Variants in KATNB1 observed in about 807,000 individuals in gnomAD.
KATNB1 encodes the protein katanin regulatory subunit B1, also known as katanin p80 WD40 repeat-containing subunit B1.
Under a neutral mutation model 82.3 loss-of-function variants are expected in KATNB1, and 38 were observed. That is an observed-to-expected ratio of 0.46 (90% CI 0.36 to 0.61). The LOEUF is 0.61. Ranked by LOEUF, KATNB1 falls within the 20% of genes least tolerant of loss-of-function variation. KATNB1 has a pLI of 0.00. For synonymous variants in KATNB1, 361 were observed against 368.7 expected, an observed-to-expected ratio of 0.98 and a Z score of 0.24; for missense variants, 749 against 915.7, an observed-to-expected ratio of 0.82 and a Z score of 2.35.
At chr16:57,747,067 A>T (rs1444037591) in intron 4 of KATNB1, among the ~76,000 whole-genome samples, 5 of 152,116 alleles carry the variant, frequency 3.3e-5, no homozygotes, top group Admixed American at 6.5e-5. Context: ...TTTTTAGTAG[A>T]GACGGGGTTT....
intron 18 of KATNB1, 142 bp downstream of exon 18, chr16:57,756,208 G>C: frequency 8.6e-7 from 1 of 1,156,242 alleles, no homozygotes; most frequent in Non-Finnish European, 1.3e-6. Context: ...TCAACAGTCC[G>C]GAGGTGGGAG....
Position 57,753,233 on chromosome 16 carries a change from G to A in KATNB1, c.1012G>A (p.Glu338Lys). 2 of 1,605,758 alleles carry A rather than the reference G, an allele frequency of 1.2e-6. No homozygotes were observed. Among genetic ancestry groups the A allele is most frequent in the Middle Eastern group, 1.7e-4 (1 of 6,050 alleles). Reference protein sequence around the residue: ...NPSAPLRRIYERPSTTCSKPQ... With the variant: ...NPSAPLRRIYKRPSTTCSKPQ... Reference sequence around the variant, plus strand: ...CAGCGCCCCCCTCCGGCGCATCTATGAGCGGCCCAGCACAACCTGCAGCAA... The same window carrying A: ...CAGCGCCCCCCTCCGGCGCATCTATAAGCGGCCCAGCACAACCTGCAGCAA... The change falls in exon 11 of 20, where the codon GAG becomes AAG. Residue 338 changes from glutamate (E) to lysine (K), a missense_variant. Physicochemically the swap from Glu to Lys is moderately conservative, Grantham distance 56. Coordinates refer to ENST00000379661, the MANE Select transcript of KATNB1 (RefSeq NM_005886.3).
chr16:57,750,016 C>G (rs1345658644), intron 4 of KATNB1, among the ~76,000 whole-genome samples: 1 of 152,222 alleles, frequency 6.6e-6, no homozygotes, highest in East Asian at 1.9e-4. Context: ...CCTCCATCTA[C>G]CTAACAGCAT....
intron 2 of KATNB1, among the ~76,000 whole-genome samples, chr16:57,738,417 G>A (rs995457079): frequency 1.3e-5 from 2 of 152,050 alleles, no homozygotes; most frequent in Non-Finnish European, 2.9e-5. Flanking sequence ...CACCACACCC[G>A]GCTAATTTTT....
intron 4 of KATNB1, among the ~76,000 whole-genome samples, chr16:57,747,422 T>C (rs1052246608): frequency 2.0e-5 from 3 of 152,210 alleles, no homozygotes; most frequent in African/African-American, 7.2e-5. Flanking sequence ...CAAGGTTCCC[T>C]TTGCTCAGGA....
rs1555583195 is a variant in KATNB1, at chr16:57,751,704, G to A, written c.496G>A (p.Ala166Thr). 3.7e-6 allele frequency: 6 copies of A among 1,610,374 alleles called. No individual in the cohort carries two copies. The highest frequency in any genetic ancestry group is 5.1e-6 in the Non-Finnish European group (6 of 1,179,982). The change falls in exon 7 of 20, where the codon GCA becomes ACA. Residue 166 changes from alanine to threonine, a missense_variant. Around this residue, in one of 3 missense-constraint regions of KATNB1, gnomAD observed 247 missense variants for 349.4 expected, o/e 0.71. Transcript: ENST00000379661. This position sits in a 1 kb window ranked among gnomAD's most constrained non-coding sequence, Gnocchi z 6.3. ...SPDGKWLASA[A>T]DDHTVKLWDL... ...CGATGGGAAGTGGTTGGCGTCGGCC[G>A]CAGATGACCACACCGTGAAGGTAGC...
Position 57,755,878 on chromosome 16 carries a change from C to CGGT in KATNB1, c.1613_1615dup (p.Val538dup). On this transcript the variant is annotated inframe_insertion, in exon 17 of 20. Coordinates refer to ENST00000379661, the MANE Select transcript of KATNB1 (RefSeq NM_005886.3). ...TCCGCTGTGGCCATCAACGACCTGT[C>CGGT]GGTGGTGGTGGACCTCCTGAACATC... 1 of 1,596,836 alleles carries CGGT rather than the reference C, an allele frequency of 6.3e-7. No individual in the cohort carries two copies. The highest frequency in any genetic ancestry group is 8.6e-7 in the Non-Finnish European group (1 of 1,166,744).
At chr16:57,736,165 C>A (rs2049097867) in intron 1 of KATNB1, 1 of 152,440 alleles carries the variant, frequency 6.6e-6, no homozygotes, top group South Asian at 2.1e-4. Context: ...ATGGGAGACC[C>A]CGCGAGCATA....
intron 2 of KATNB1, 74 bp downstream of exon 2, chr16:57,737,357 C>T (rs760414407): frequency 9.8e-5 from 152 of 1,548,170 alleles, no homozygotes; most frequent in Admixed American, 4.1e-4. Flanking sequence ...CCTGAACCCA[C>T]AGCTTTGTTT....
chr16:57,755,368 C>T lies in KATNB1; in HGVS notation c.1440C>T (p.Ala480=), dbSNP rs143258521. The change falls in exon 16 of 20, where the codon GCC becomes GCT. Residue 480 remains alanine, a synonymous_variant. Transcript: ENST00000379661. ...AGGCCGTGAAGATCCCCCAGCAGGC[C>T]GAGCTGGTGGACGAGGATGCCATGT... The part of the protein sequence containing the change: ...FLPAVKIPQQ[A]ELVDEDAMSQ... 9.9e-6 allele frequency: 16 copies of T among 1,613,154 alleles called. No homozygotes were observed. The highest frequency in any genetic ancestry group is 5.5e-5 in the South Asian group (5 of 91,084).
rs2049249053 is a variant in KATNB1, at chr16:57,753,521, T to C, written c.1177+2T>C. ...TCTTCCAGCCCAAGAACAGCATCAG[T>C]GAGGCCGGGCTCCCGCCCCCAGCCC... On this transcript the variant is annotated splice_donor_variant, in intron 12 of 19. Transcript: ENST00000379661. LOFTEE classifies it high-confidence loss of function. The C allele has an allele frequency of 1.2e-6, 2 of 1,612,682 alleles. No homozygotes were observed. The highest frequency in any genetic ancestry group is 1.7e-6 in the Non-Finnish European group (2 of 1,179,780).
rs2049142228 is a variant in KATNB1, at chr16:57,741,581, C to T, written c.41-106C>T. On this transcript the variant is annotated intron_variant, in intron 2 of 19. Transcript: ENST00000379661. Reference sequence around the variant, plus strand: ...GGGGAGCTGAAGGAGGCAGATCCTTCCACTGGGCTTCAGGTTCCAAAGCGG... The same window carrying T: ...GGGGAGCTGAAGGAGGCAGATCCTTTCACTGGGCTTCAGGTTCCAAAGCGG... 3.2e-6 allele frequency: 4 copies of T among 1,245,434 alleles called. No individual in the cohort carries two copies. In the African/African-American group the frequency reaches 4.5e-5, roughly 14 times the overall value. The allele number at this position is 1,245,434 out of a possible 1,614,324, so 77.1% of individuals were successfully genotyped here.
chr16:57,738,365 C>T (rs932094133), intron 2 of KATNB1, among the ~76,000 whole-genome samples: 1 of 151,782 alleles, frequency 6.6e-6, no homozygotes, highest in East Asian at 1.9e-4. Flanking sequence ...ATGCGATTCT[C>T]GTGCCTCAGC....
intron 4 of KATNB1, among the ~76,000 whole-genome samples, chr16:57,748,249 G>A (rs1357230846): frequency 2.6e-5 from 4 of 151,968 alleles, no homozygotes; most frequent in Non-Finnish European, 4.4e-5. Flanking sequence ...TAAGACCTCC[G>A]GCCCCCCTCC....
intron 10 of KATNB1, 63 bp downstream of exon 10, chr16:57,752,991 C>T: frequency 1.9e-6 from 3 of 1,593,650 alleles, no homozygotes; most frequent in Admixed American, 3.4e-5. Flanking sequence ...CCCTCCAGCC[C>T]AGGCCCCTCC....
intron 3 of KATNB1, 113 bp from the exon 4 acceptor site, chr16:57,744,281 C>G: frequency 1.1e-6 from 1 of 890,904 alleles, no homozygotes; most frequent in Non-Finnish European, 1.8e-6. Flanking sequence ...ATGGGGCTCC[C>G]CCTCCTGCCT....
chr16:57,741,799 C>T lies in KATNB1; in HGVS notation c.153C>T (p.Asn51=), dbSNP rs1285316973. Residue 51 remains asparagine, a synonymous_variant, in exon 3 of 20, where the codon AAC becomes AAT. Coordinates refer to ENST00000379661, the MANE Select transcript of KATNB1 (RefSeq NM_005886.3). ...GCCGCGTCAACCTGTGGTCCATCAA[C>T]AAGCCCAACTGCATCATGGTGAGCC... ...DDCRVNLWSI[N]KPNCIMSLTG... 1 of 1,613,584 alleles carries T rather than the reference C, an allele frequency of 6.2e-7. No individual in the cohort carries two copies. The highest frequency in any genetic ancestry group is 1.7e-5 in the Admixed American group (1 of 60,012).
intron 4 of KATNB1, among the ~76,000 whole-genome samples, chr16:57,744,945 G>A (rs185011664): frequency 1.2e-3 from 183 of 152,322 alleles, no homozygotes; most frequent in Non-Finnish European, 2.0e-3. Flanking sequence ...TGGCTCCCTG[G>A]TGCCATTAGA....
chr16:57,756,299 T>G, intron 18 of KATNB1, 57 bp from the exon 19 acceptor site: 1 of 1,475,006 alleles, frequency 6.8e-7, no homozygotes, highest in Non-Finnish European at 9.5e-7. Flanking sequence ...CCTTGCTGTT[T>G]CTCTTTCTGT....
Sources: allele counts gnomAD v4.1 joint callset (sites outside exome capture counted in the v4.1 genomes callset), GRCh38; gene constraint gnomAD v4.1.1; regional missense constraint gnomAD v4.1.1; non-coding constraint Gnocchi (gnomAD v3.1); transcripts MANE v1.5; gene names NCBI Gene and HGNC (gene_info 2026-07-23, HGNC 2026-07-21).